HECW2: variants seen among roughly 807,000 people sequenced by gnomAD.
The protein encoded by HECW2 is E3 ubiquitin-protein ligase HECW2.
Under a neutral mutation model 175.2 loss-of-function variants are expected in HECW2, and 61 were observed. The observed-to-expected ratio is 0.35, with a 90% CI of 0.28 to 0.43. The LOEUF (loss-of-function observed/expected upper bound fraction) is 0.43. Among genes scored for constraint, HECW2 ranks in the 20% least tolerant of loss-of-function variants. HECW2 has a pLI of 1.00. For missense variants in HECW2, 1,524 were observed against 2,000.5 expected, an observed-to-expected ratio of 0.76 and a Z score of 4.54; for synonymous variants, 671 against 731.0, an observed-to-expected ratio of 0.92 and a Z score of 1.32.
intron 2 of HECW2, among the ~76,000 whole-genome samples, chr2:196,410,234 C>T (rs139306156): frequency 2.0e-5 from 3 of 152,236 alleles, no homozygotes; most frequent in African/African-American, 4.8e-5. Context: ...CATGGTCATG[C>T]GCTTTGAAAG....
In HECW2 at chr2:196,465,011, G is replaced by A. The variant is rs374436921; in HGVS notation, c.-35-31553C>T. The stretch of plus-strand genomic sequence containing the variant: ...AAATCGCGCCACTGCACTCCAGCCC[G>A]GGTGACAGTACAAGACTCTGTTTCA... On this transcript the variant is annotated intron_variant, in intron 1 of 28. Coordinates refer to ENST00000644978, the MANE Select transcript of HECW2 (RefSeq NM_001348768.2). Among the ~76,000 whole-genome samples the A allele has an allele frequency of 7.2e-5, 11 of 152,252 alleles. No individual in the cohort carries two copies. The South Asian group carries it at 8.3e-4, about 11-fold the overall frequency.
At chr2:196,325,967 T>C (rs1692135487) in intron 5 of HECW2, among the ~76,000 whole-genome samples, 1 of 152,204 alleles carries the variant, frequency 6.6e-6, no homozygotes, top group African/African-American at 2.4e-5. Flanking sequence ...GAAATAAAGC[T>C]GGCTCCACTG....
intron 19 of HECW2, among the ~76,000 whole-genome samples, chr2:196,247,127 T>C (rs900816826): frequency 3.3e-5 from 5 of 152,026 alleles, no homozygotes; most frequent in African/African-American, 4.8e-5. Flanking sequence ...TGGGTGTGCT[T>C]GTAGTCCCAG....
chr2:196,204,886 A>G (rs990322047), intron 28 of HECW2, among the ~76,000 whole-genome samples: 4 of 152,192 alleles, frequency 2.6e-5, no homozygotes, highest in East Asian at 1.9e-4. Flanking sequence ...AGAAACAGGA[A>G]CTTTGAATGT....
chr2:196,319,140 T>A lies in HECW2; in HGVS notation c.1750A>T (p.Thr584Ser). 6.3e-7 allele frequency: 1 copy of A among 1,593,156 alleles called. No individual in the cohort carries two copies. The highest frequency in any genetic ancestry group is 8.6e-7 in the Non-Finnish European group (1 of 1,169,060). The change falls in exon 9 of 29, where the codon ACT becomes TCT. Residue 584 changes from threonine (T) to serine (S), a missense_variant. Thr to Ser is a moderately conservative substitution (Grantham distance 58). Transcript: ENST00000644978. ...DQPTSGADTG[T>S]SDASGGSRRA... ...CGGCTTCCTCCTGATGCATCGGAAG[T>A]CCCTGTGTCTGCGCCACTTGTGGGC...
chr2:196,285,243 C>G (rs933243380), intron 14 of HECW2, among the ~76,000 whole-genome samples: 5 of 152,176 alleles, frequency 3.3e-5, no homozygotes, highest in African/African-American at 1.2e-4. Flanking sequence ...ATACCAACCT[C>G]AGGCTCAACA....
chr2:196,298,811 C>T (rs1690916593), intron 13 of HECW2, among the ~76,000 whole-genome samples: 2 of 152,222 alleles, frequency 1.3e-5, no homozygotes, highest in South Asian at 4.1e-4. Context: ...AAATACATTC[C>T]TTTTGCATAT....
intron 1 of HECW2, among the ~76,000 whole-genome samples, chr2:196,466,498 T>C (rs1696959579): frequency 6.6e-6 from 1 of 152,202 alleles, no homozygotes; most frequent in Non-Finnish European, 1.5e-5. Flanking sequence ...AAATTATAGC[T>C]TTCCCAGCCC....
intron 2 of HECW2, among the ~76,000 whole-genome samples, chr2:196,430,180 G>C (rs10497785): frequency 0.03 from 4,497 of 152,224 alleles, 222 homozygotes; most frequent in African/African-American, 0.1. Flanking sequence ...ACCAAATTCG[G>C]AGGATGAATT....
intron 19 of HECW2, among the ~76,000 whole-genome samples, chr2:196,245,180 G>C (rs1200791346): frequency 2.0e-5 from 3 of 152,208 alleles, no homozygotes; most frequent in Admixed American, 2.0e-4. Flanking sequence ...AATATAAAGT[G>C]TATTTAAACA....
chr2:196,571,570 G>A (rs189058082), intron 1 of HECW2, among the ~76,000 whole-genome samples: 13 of 152,158 alleles, frequency 8.5e-5, no homozygotes, highest in African/African-American at 2.4e-4. Flanking sequence ...TTAGCCGGGT[G>A]TGCTGACAGT....
At chr2:196,453,679 AAATTAT>A (rs1445725769) in intron 1 of HECW2, among the ~76,000 whole-genome samples, 1 of 152,168 alleles carries the variant, frequency 6.6e-6, no homozygotes, top group African/African-American at 2.4e-5. Flanking sequence ...ATTTTCTTAT[AAATTAT>A]ATTACCTAAA....
At chr2:196,466,522 A>G (rs1696961098) in intron 1 of HECW2, among the ~76,000 whole-genome samples, 1 of 152,226 alleles carries the variant, frequency 6.6e-6, no homozygotes, top group Non-Finnish European at 1.5e-5. Context: ...GGGCACTTCC[A>G]AAATATTCAC....
chr2:196,518,790 C>T (rs1013854218), intron 1 of HECW2, among the ~76,000 whole-genome samples: 5 of 152,120 alleles, frequency 3.3e-5, no homozygotes, highest in Non-Finnish European at 5.9e-5. Context: ...GCCTGCTGCC[C>T]TCTTGCCCAC....
At chr2:196,332,619 C>T (rs1287594154) in intron 4 of HECW2, among the ~76,000 whole-genome samples, 1 of 152,086 alleles carries the variant, frequency 6.6e-6, no homozygotes, top group Non-Finnish European at 1.5e-5. Flanking sequence ...TTCAACAAAC[C>T]GTAAACTCCC....
At chr2:196,563,817 T>C (rs561935997) in intron 1 of HECW2, among the ~76,000 whole-genome samples, 41 of 152,306 alleles carry the variant, frequency 2.7e-4, no homozygotes, top group African/African-American at 9.1e-4. Context: ...CAAAATGCTA[T>C]CTATTAAATG....
intron 10 of HECW2, 67 bp downstream of exon 10, chr2:196,317,207 G>A (rs1691730950): frequency 1.7e-6 from 2 of 1,189,346 alleles, no homozygotes; most frequent in Non-Finnish European, 1.2e-6. Flanking sequence ...AGACTCATGG[G>A]AATGGGTCTG....
rs1306950474 is a variant in HECW2 at position 196,195,231 on chromosome 2, T to C, written c.*6046A>G. 6.6e-6 allele frequency: 1 copy of C among 152,220 alleles called. No individual in the cohort carries two copies. The highest frequency in any genetic ancestry group is 1.5e-5 in the Non-Finnish European group (1 of 68,030). 9.4% of individuals were successfully genotyped at this position (152,220 alleles called of 1,614,324 possible). On this transcript the variant is annotated 3_prime_UTR_variant, in exon 29 of 29. Coordinates refer to ENST00000644978, the MANE Select transcript of HECW2 (RefSeq NM_001348768.2). ...CCTGAACATCATCCATTCTTTTTTA[T>C]GAAGGTGATAGTAACCAGAAGTTGA...
intron 2 of HECW2, among the ~76,000 whole-genome samples, chr2:196,346,334 T>G (rs1692953355): frequency 2.0e-5 from 3 of 152,180 alleles, no homozygotes; most frequent in Admixed American, 2.0e-4. Context: ...TGGGTAGGAA[T>G]GGGATGAGGA....
Sources: gnomAD v4.1 joint callset for allele counts (sites outside exome capture counted in the v4.1 genomes callset) on GRCh38, gnomAD v4.1.1 for gene constraint, MANE v1.5 for transcripts, NCBI Gene and HGNC (gene_info 2026-07-23, HGNC 2026-07-21) for gene names.